CLEC16A: variants seen among roughly 807,000 people sequenced by gnomAD.
CLEC16A encodes protein CLEC16A.
Under a neutral mutation model 109.5 loss-of-function variants are expected in CLEC16A, and 51 were observed. The ratio of observed to expected loss-of-function variants is 0.47; its 90% CI spans 0.37 to 0.59. The LOEUF is 0.59. Among genes scored for constraint, CLEC16A ranks in the 20% least tolerant of loss-of-function variants. The probability of loss-of-function intolerance (pLI) is 0.00; values close to 1 mark genes in which losing one functional copy is unlikely to be tolerated. For synonymous variants in CLEC16A, 673 were observed against 564.2 expected (o/e 1.19, Z -2.73); for missense variants, 1,339 against 1,394.0 (o/e 0.96, Z 0.63).
chr16:11,094,019 G>A (rs1052405694), intron 19 of CLEC16A, among the ~76,000 whole-genome samples: 8 of 152,296 alleles, frequency 5.3e-5, no homozygotes, highest in African/African-American at 1.9e-4. Context: ...TGGACGACAG[G>A]CAGGTCCTAT....
intron 11 of CLEC16A, among the ~76,000 whole-genome samples, chr16:11,008,193 C>G (rs1645407850): frequency 6.6e-6 from 1 of 152,164 alleles, no homozygotes; most frequent in African/African-American, 2.4e-5. Flanking sequence ...TCCCCTTAGC[C>G]TTCCTTTGAA....
intron 4 of CLEC16A, 48 bp from the exon 5 acceptor site, chr16:10,971,077 C>A: frequency 1.6e-6 from 2 of 1,216,456 alleles, no homozygotes; most frequent in Non-Finnish European, 2.4e-6. Flanking sequence ...TGGGGCCAGG[C>A]CTGGCTTATG....
rs2068270949 is a variant in CLEC16A at position 11,166,534 on chromosome 16, A to G, written c.2788A>G (p.Thr930Ala). The stretch of plus-strand genomic sequence containing the variant: ...CACCAGCTCGTCCTCCACCCCCTCC[A>G]CAGCCCAGAGTCCAGCAGGTATTGG... ...GGTSSSSTPS[T>A]AQSPADAPMS... Residue 930 changes from threonine to alanine, a missense_variant, in exon 23 of 24, where the codon ACA becomes GCA. Transcript: ENST00000409790. 1.2e-6 allele frequency: 2 copies of G among 1,604,384 alleles called. No individual in the cohort carries two copies. The highest frequency in any genetic ancestry group is 1.3e-5 in the African/African-American group (1 of 74,800).
At chr16:11,042,485 G>C (rs2047393137) in intron 15 of CLEC16A, 122 bp downstream of exon 15, 2 of 683,520 alleles carry the variant, frequency 2.9e-6, no homozygotes, top group Admixed American at 5.4e-5. Context: ...CCAGCTAGAA[G>C]CAGCAGGGGC....
chr16:11,110,625 A>T (rs1459949102), intron 19 of CLEC16A, among the ~76,000 whole-genome samples: 1 of 152,012 alleles, frequency 6.6e-6, no homozygotes, highest in Non-Finnish European at 1.5e-5. Flanking sequence ...GGCACTTCCG[A>T]GCAATTTGAC....
chr16:10,967,199 A>C (rs996447785), intron 3 of CLEC16A, among the ~76,000 whole-genome samples: 1 of 152,174 alleles, frequency 6.6e-6, no homozygotes, highest in African/African-American at 2.4e-5. Flanking sequence ...ACCACGCCAC[A>C]GGCCCACACT....
intron 23 of CLEC16A, among the ~76,000 whole-genome samples, chr16:11,173,940 C>T (rs2068634493): frequency 6.6e-6 from 1 of 152,200 alleles, no homozygotes; most frequent in Non-Finnish European, 1.5e-5. Context: ...CCCGACCCTG[C>T]CTCATCCTGG....
In CLEC16A at chr16:10,944,696, G is replaced by A. The variant is rs200383648; in HGVS notation, c.-22G>A. On this transcript the variant is annotated 5_prime_UTR_variant, in exon 1 of 24. Transcript: ENST00000409790. ...GGTCCGGCATGAGACCGTGAGACGA[G>A]AGACGGGTCGGGGCCGCCGACATGT... 7 of 1,595,254 alleles carry A rather than the reference G, an allele frequency of 4.4e-6. No homozygotes were observed. Among genetic ancestry groups the A allele is most frequent in the African/African-American group, 2.7e-5 (2 of 74,658 alleles).
At chr16:11,044,108 G>T in intron 16 of CLEC16A, 36 bp downstream of exon 16, 1 of 1,570,048 alleles carries the variant, frequency 6.4e-7, no homozygotes, top group Admixed American at 1.8e-5. Context: ...GCAGCATGGT[G>T]TGTATTGTAG....
chr16:10,987,240 T>C (rs2043724710), intron 10 of CLEC16A, among the ~76,000 whole-genome samples: 1 of 152,048 alleles, frequency 6.6e-6, no homozygotes, highest in African/African-American at 2.4e-5. Context: ...TACAGAGAGA[T>C]CTTCCTCAGT....
chr16:11,074,766 C>A (rs1045689038), intron 19 of CLEC16A, among the ~76,000 whole-genome samples: 3 of 152,330 alleles, frequency 2.0e-5, no homozygotes, highest in Admixed American at 6.5e-5. Context: ...CACACACACA[C>A]AAATTATTCT....
Position 11,127,300 on chromosome 16 carries a change from T to C in CLEC16A, c.2641+1154T>C, listed in dbSNP as rs1169375991. Among the ~76,000 whole-genome samples the C allele has an allele frequency of 2.6e-5, 4 of 152,230 alleles. No individual in the cohort carries two copies. The East Asian group carries it at 7.7e-4, about 29-fold the overall frequency. On this transcript the variant is annotated intron_variant, in intron 22 of 23. Transcript: ENST00000409790. ...CTAATTCTCCTTAACTGTTACATGG[T>C]ATTTTGTCATATGGATGGGCAAAAA...
chr16:11,119,013 A>AT (rs1020407023), intron 19 of CLEC16A, among the ~76,000 whole-genome samples: 2 of 151,634 alleles, frequency 1.3e-5, no homozygotes, highest in Non-Finnish European at 1.5e-5. Context: ...TCTTTTTGTT[A>AT]TTTTTTGAGA....
intron 12 of CLEC16A, 126 bp from the exon 13 acceptor site, chr16:11,024,695 C>G (rs1171837152): frequency 1.5e-6 from 1 of 685,818 alleles, no homozygotes. Context: ...TGGTGCTGGA[C>G]CAGGCACACA....
intron 19 of CLEC16A, among the ~76,000 whole-genome samples, chr16:11,108,375 T>C (rs989158642): frequency 6.6e-6 from 1 of 152,264 alleles, no homozygotes; most frequent in Non-Finnish European, 1.5e-5. Flanking sequence ...GCCAAGGCAG[T>C]CCAGGAGCAT....
chr16:11,031,882 T>G (rs535812926), intron 13 of CLEC16A, among the ~76,000 whole-genome samples: 1 of 152,298 alleles, frequency 6.6e-6, no homozygotes, highest in Non-Finnish European at 1.5e-5. Context: ...TAGCTTGCAG[T>G]TTCTGATGAA....
At chr16:11,166,796 C>G (rs976373815) in intron 23 of CLEC16A, among the ~76,000 whole-genome samples, 1 of 152,244 alleles carries the variant, frequency 6.6e-6, no homozygotes, top group African/African-American at 2.4e-5. Context: ...GAAGCTGTCA[C>G]TGACTGCAGA....
chr16:11,012,370 C>T (rs545480054), intron 11 of CLEC16A, among the ~76,000 whole-genome samples: 26 of 152,082 alleles, frequency 1.7e-4, no homozygotes, highest in African/African-American at 6.0e-4. Context: ...CCGAGGTGGG[C>T]GGATCATGAG....
chr16:11,147,039 G>A (rs890643666), intron 22 of CLEC16A, among the ~76,000 whole-genome samples: 1 of 152,152 alleles, frequency 6.6e-6, no homozygotes, highest in Non-Finnish European at 1.5e-5. Flanking sequence ...AGGAAAGGAT[G>A]TTGACCTGGG....
Sources: gnomAD v4.1 joint callset for allele counts (sites outside exome capture counted in the v4.1 genomes callset) on GRCh38, gnomAD v4.1.1 for gene constraint, MANE v1.5 for transcripts, NCBI Gene and HGNC (gene_info 2026-07-23, HGNC 2026-07-21) for gene names.